The following PLIN4 variants were observed in gnomAD, a reference collection of about 807,000 sequenced individuals.
PLIN4 encodes perilipin 4.
A neutral mutation model predicts 52.4 loss-of-function variants in PLIN4; 57 were observed. The observed-to-expected ratio is 1.09, with a 90% CI of 0.88 to 1.36. The LOEUF (loss-of-function observed/expected upper bound fraction) is 1.36. Ranked by LOEUF, PLIN4 falls within the 40% of genes most tolerant of loss-of-function variation. PLIN4 has a pLI of 0.00. For synonymous variants in PLIN4, 826 were observed against 785.4 expected (o/e 1.05, Z -0.86); for missense variants, 1,757 against 1,770.3 (o/e 0.99, Z 0.13).
chr19:4,510,360 T>G (rs1221618012), intron 5 of PLIN4, 86 bp downstream of exon 5: 1 of 1,262,380 alleles, frequency 7.9e-7, no homozygotes, highest in African/African-American at 1.6e-5. Flanking sequence ...AGCACGACTC[T>G]GTCTCAAAAA....
chr19:4,510,365 CAA>C (rs796181751), intron 5 of PLIN4, 79 bp downstream of exon 5: 9 of 965,762 alleles, frequency 9.3e-6, no homozygotes, highest in Admixed American at 4.4e-5. Flanking sequence ...GACTCTGTCT[CAA>C]AAAAAAAAAC....
Position 4,504,752 on chromosome 19 carries a change from C to T in PLIN4, c.3823G>A (p.Gly1275Ser), listed in dbSNP as rs368362974. ...GCCGTGTGCAGCTGCCGGAGAAGGCCGCAGACCCTGGACAGAACCCCGGCA... is the reference window on the plus strand; with the variant it reads ...GCCGTGTGCAGCTGCCGGAGAAGGCTGCAGACCCTGGACAGAACCCCGGCA... ...RDAGVLSRVCGLLRQLHTAYS... is the reference protein window; with the variant it reads ...RDAGVLSRVCSLLRQLHTAYS... Residue 1275 changes from glycine to serine, a missense_variant, in exon 8 of 8, where the codon GGC becomes AGC. Coordinates refer to ENST00000301286, the MANE Select transcript of PLIN4 (RefSeq NM_001367868.2). The T allele has an allele frequency of 2.4e-5, 39 of 1,600,222 alleles. No homozygotes were observed. The highest frequency in any genetic ancestry group is 4.4e-5 in the South Asian group (4 of 90,574).
chr19:4,516,756 C>A, intron 3 of PLIN4, 78 bp from the exon 4 acceptor site: 2 of 1,340,146 alleles, frequency 1.5e-6, no homozygotes, highest in South Asian at 3.0e-5. Context: ...TGCACAATAG[C>A]CAGGCACAGC....
At chr19:4,508,442 T>G (rs1747886585) in intron 6 of PLIN4, among the ~76,000 whole-genome samples, 1 of 152,156 alleles carries the variant, frequency 6.6e-6, no homozygotes, top group African/African-American at 2.4e-5. Context: ...AATTTTTGTA[T>G]TTTTAGTAGA....
Position 4,512,707 on chromosome 19 carries a change from A to C in PLIN4, c.1253T>G (p.Met418Arg). The C allele has an allele frequency of 6.4e-7, 1 of 1,553,114 alleles. No individual in the cohort carries two copies. The highest frequency in any genetic ancestry group is 8.6e-7 in the Non-Finnish European group (1 of 1,156,438). The change falls in exon 5 of 8, where the codon ATG becomes AGG. Residue 418 changes from methionine to arginine, a missense_variant. Met to Arg is a moderately conservative substitution (Grantham distance 91, BLOSUM62 -1). Around this residue, in one of 7 missense-constraint regions of PLIN4, gnomAD observed 439 missense variants for 406.4 expected, o/e 1.08. Coordinates refer to ENST00000301286, the MANE Select transcript of PLIN4 (RefSeq NM_001367868.2). ...TGAANVAKGA[M>R]QTGLNTTQNI... Reference sequence around the variant, plus strand: ...TTGGGTTGTGTTCAGCCCAGTTTGCATGGCCCCCTTGGCCACATTCGCTGC... The same window carrying C: ...TTGGGTTGTGTTCAGCCCAGTTTGCCTGGCCCCCTTGGCCACATTCGCTGC...
rs764523711 is a variant in PLIN4 at position 4,509,316 on chromosome 19, A to AAAAAAAAAAACAAACAAACAAAC, written c.3515-362_3515-361insGTTTGTTTGTTTGTTTTTTTTTT. Among the ~76,000 whole-genome samples the AAAAAAAAAAACAAACAAACAAAC allele has an allele frequency of 4.7e-4, 53 of 111,876 alleles. 4 individuals carry two copies. The highest frequency in any genetic ancestry group is 1.6e-3 in the African/African-American group (52 of 32,228). The allele number at this position is 111,876 out of a possible 152,430, so 73.4% of individuals were successfully genotyped here. Reference sequence around the variant, plus strand: ...AGAGTGCGAGACTCCGTCTCAAAAAAAAAAAAAAAGTTAAGTGAGGCCAGG... The same window carrying AAAAAAAAAAACAAACAAACAAAC: ...AGAGTGCGAGACTCCGTCTCAAAAAAAAAAAAAAAACAAACAAACAAACAAAAAAAAAGTTAAGTGAGGCCAGG... On this transcript the variant is annotated intron_variant, in intron 5 of 7. Transcript: ENST00000301286.
rs774310618 is a variant in PLIN4 at position 4,517,647 on chromosome 19, G to C, written c.103C>G (p.Leu35Val). 3.7e-6 allele frequency: 6 copies of C among 1,607,578 alleles called. No homozygotes were observed. In the South Asian group the frequency reaches 6.7e-5, roughly 18 times the overall value. ...GCCGAGCTATGTGCGTTGGCCACCA[G>C]GTTCCGGGCAGAGCTGAAGCCAGGC... The part of the protein sequence containing the change: ...SLPGFSSARN[L>V]VANAHSSARA... Residue 35 changes from leucine (L) to valine (V), a missense_variant, in exon 3 of 8, where the codon CTG becomes GTG. By Grantham distance (32) the Leu-to-Val change is conservative. Transcript: ENST00000301286.
intron 5 of PLIN4, among the ~76,000 whole-genome samples, chr19:4,509,310 C>CAAAAAAAAAAAAAAA (rs71168909): frequency 6.3e-5 from 1 of 15,798 alleles, no homozygotes. Flanking sequence ...GACTCCGTCT[C>CAAAAAAAAAAAAAAA]AAAAAAAAAA....
In PLIN4 at chr19:4,512,797, C is replaced by A; in HGVS notation, c.1163G>T (p.Gly388Val). 6.4e-7 allele frequency: 1 copy of A among 1,564,770 alleles called. No homozygotes were observed. The highest frequency in any genetic ancestry group is 8.6e-7 in the Non-Finnish European group (1 of 1,161,636). ...GACCATAGACTTGGTGGTATCCAGG[C>A]CCCCCTGGATGGCCTCTTTGGCCAA... ...VNLAKEAIQG[G>V]LDTTKSMVMG... Residue 388 changes from glycine to valine, a missense_variant, in exon 5 of 8, where the codon GGC (glycine) becomes GTC (valine). Transcript: ENST00000301286.
rs760850962 is a variant in PLIN4 at position 4,504,770 on chromosome 19, C to T, written c.3805G>A (p.Val1269Ile). The change falls in exon 8 of 8, where the codon GTT becomes ATT. Residue 1269 changes from valine (V) to isoleucine (I), a missense_variant. Physicochemically the swap from Val to Ile is conservative, Grantham distance 29. Transcript: ENST00000301286. ...AGAAGGCCGCAGACCCTGGACAGAA[C>T]CCCGGCATCCCGCTCCTGTGGGAGG... ...AAVQEERDAG[V>I]LSRVCGLLRQ... The T allele has an allele frequency of 6.3e-6, 10 of 1,599,422 alleles. No homozygotes were observed. Among genetic ancestry groups the T allele is most frequent in the Non-Finnish European group, 8.5e-6 (10 of 1,171,956 alleles).
At position 4,511,996 on chromosome 19, in the gene PLIN4, G is replaced by A. The variant is rs200977488; in HGVS notation, c.1964C>T (p.Thr655Met). The A allele has an allele frequency of 1.7e-4, 268 of 1,609,144 alleles. No homozygotes were observed. The highest frequency in any genetic ancestry group is 1.9e-4 in the Non-Finnish European group (221 of 1,177,844). The change falls in exon 5 of 8, where the codon ACG becomes ATG. Residue 655 changes from threonine (T) to methionine (M), a missense_variant. Physicochemically the swap from Thr to Met is moderately conservative, Grantham distance 81 (BLOSUM62 -1). Coordinates refer to ENST00000301286, the MANE Select transcript of PLIN4 (RefSeq NM_001367868.2). ...AKGAVQTGLK[T>M]TQNIATGTKN... Reference sequence around the variant, plus strand: ...TGTACCTGTCGCGATATTTTGGGTCGTTTTCAGCCCAGTTTGCACAGCCCC... The same window carrying A: ...TGTACCTGTCGCGATATTTTGGGTCATTTTCAGCCCAGTTTGCACAGCCCC...
rs745524664 is a variant in PLIN4, at chr19:4,513,698, C to T, written c.262G>A (p.Val88Met). Residue 88 changes from valine to methionine, a missense_variant, in exon 5 of 8, where the codon GTG becomes ATG. Val to Met is a conservative substitution (Grantham distance 21, BLOSUM62 1). This residue lies in a region of PLIN4 where 332 missense variants were observed against 310.8 expected (regional missense o/e 1.07). Coordinates refer to ENST00000301286, the MANE Select transcript of PLIN4 (RefSeq NM_001367868.2). ...CACACCAGGTCTTTGGCCCCGGACA[C>T]CATCTGCTGAGAAAGGACACAGGTG... ...EKELQPSEKM[V>M]SGAKDLVCSK... 54 of 1,570,898 alleles carry T rather than the reference C, an allele frequency of 3.4e-5. No homozygotes were observed. The South Asian group carries it at 4.8e-4, about 14-fold the overall frequency.
chr19:4,511,928 C>T lies in PLIN4; in HGVS notation c.2032G>A (p.Ala678Thr). 1 of 1,598,560 alleles carries T rather than the reference C, an allele frequency of 6.3e-7. No individual in the cohort carries two copies. Among genetic ancestry groups the T allele is most frequent in the South Asian group, 1.1e-5 (1 of 90,360 alleles). ...ACACCTGTCTGGGCAGCCCCTTTGG[C>T]CACATTCACAGCACTGGTCACCCCA... is the stretch of plus-strand genomic sequence containing the variant. ...GSGVTSAVNV[A>T]KGAAQTGVDT... The change falls in exon 5 of 8, where the codon GCC becomes ACC. Residue 678 changes from alanine to threonine, a missense_variant. Around this residue, in one of 7 missense-constraint regions of PLIN4, gnomAD observed 439 missense variants for 406.4 expected, o/e 1.08. Transcript: ENST00000301286.
At position 4,504,784 on chromosome 19, in the gene PLIN4, T is replaced by C; in HGVS notation, c.3791A>G (p.Glu1264Gly). 2 of 1,600,232 alleles carry C rather than the reference T, an allele frequency of 1.2e-6. No individual in the cohort carries two copies. Among genetic ancestry groups the C allele is most frequent in the Non-Finnish European group, 8.5e-7 (1 of 1,171,954 alleles). Residue 1264 changes from glutamate to glycine, a missense_variant and splice_region_variant, in exon 8 of 8, where the codon GAG becomes GGG. Physicochemically the swap from Glu to Gly is moderately conservative, Grantham distance 98. Around this residue, in one of 7 missense-constraint regions of PLIN4, gnomAD observed 712 missense variants for 637.1 expected, o/e 1.12. Coordinates refer to ENST00000301286, the MANE Select transcript of PLIN4 (RefSeq NM_001367868.2). ...CCTGGACAGAACCCCGGCATCCCGC[T>C]CCTGTGGGAGGAAGGCGCAAGGTGA... ...ASAEDAAVQE[E>G]RDAGVLSRVC...
chr19:4,510,661 CTG>C lies in PLIN4; in HGVS notation c.3297_3298del (p.Ser1100CysfsTer19). 6.6e-7 allele frequency: 1 copy of C among 1,517,250 alleles called. No homozygotes were observed. The highest frequency in any genetic ancestry group is 8.8e-7 in the Non-Finnish European group (1 of 1,135,920). The allele number at this position is 1,517,250 out of a possible 1,614,324, so 94.0% of individuals were successfully genotyped here. A position where few individuals can be genotyped will look rare whatever the true frequency, so the allele number is the denominator to read the frequency against. On this transcript the variant is annotated frameshift_variant, in exon 5 of 8. Coordinates refer to ENST00000301286, the MANE Select transcript of PLIN4 (RefSeq NM_001367868.2). LOFTEE classifies it high-confidence loss of function. ...TTCCCAGGCAGGCTCCGGGCCTACA[CTG>C]AGCACATCCGGGGGCGTGGAGATGC...
At chr19:4,506,531 C>T (rs779385544) in intron 6 of PLIN4, among the ~76,000 whole-genome samples, 1 of 152,342 alleles carries the variant, frequency 6.6e-6, no homozygotes, top group Middle Eastern at 3.4e-3. Context: ...TGGCGCCCCC[C>T]ACCCCCCAAG....
In PLIN4 at chr19:4,511,929, C is replaced by T; in HGVS notation, c.2031G>A (p.Val677=). The T allele has an allele frequency of 6.3e-7, 1 of 1,598,356 alleles. No homozygotes were observed. The highest frequency in any genetic ancestry group is 8.6e-7 in the Non-Finnish European group (1 of 1,169,292). The stretch of plus-strand genomic sequence containing the variant: ...CACCTGTCTGGGCAGCCCCTTTGGC[C>T]ACATTCACAGCACTGGTCACCCCAC... ...FGSGVTSAVN[V]AKGAAQTGVD... The change falls in exon 5 of 8, where the codon GTG becomes GTA. Residue 677 remains valine (V), a synonymous_variant. Transcript: ENST00000301286.
Position 4,513,581 on chromosome 19 carries a change from TGTCCAGG to T in PLIN4, c.372_378del (p.Leu125ProfsTer54). On this transcript the variant is annotated frameshift_variant, in exon 5 of 8. Transcript: ENST00000301286. LOFTEE classifies it high-confidence loss of function. The stretch of plus-strand genomic sequence containing the variant: ...GTGCCCGTAAGTGCAGACCGAGTGG[TGTCCAGG>T]CCTCCCTGGACCACTCCCTTAGCCA... 1.2e-6 allele frequency: 2 copies of T among 1,605,154 alleles called. No individual in the cohort carries two copies. Among genetic ancestry groups the T allele is most frequent in the African/African-American group, 2.7e-5 (2 of 74,756 alleles).
intron 6 of PLIN4, among the ~76,000 whole-genome samples, chr19:4,505,963 C>T (rs904663661): frequency 1.3e-5 from 2 of 152,064 alleles, no homozygotes; most frequent in East Asian, 1.9e-4. Context: ...CCTCCCACAT[C>T]GGACCCGGGC....
Sources: gnomAD v4.1 joint callset for allele counts (sites outside exome capture counted in the v4.1 genomes callset) on GRCh38, gnomAD v4.1.1 for gene constraint, gnomAD v4.1.1 regional missense constraint, MANE v1.5 for transcripts, NCBI Gene and HGNC (gene_info 2026-07-23, HGNC 2026-07-21) for gene names.